The following SLC7A8 variants were observed in gnomAD, a reference collection of about 807,000 sequenced individuals.
The protein encoded by SLC7A8 is large neutral amino acids transporter small subunit 2.
In SLC7A8, 30 loss-of-function variants were observed where a neutral mutation model predicts 51.2. The ratio of observed to expected loss-of-function variants is 0.59; its 90% CI spans 0.44 to 0.80. The LOEUF (loss-of-function observed/expected upper bound fraction) is 0.80, where lower values mean the gene tolerates loss of function less well. Ranked by LOEUF, SLC7A8 falls within the 30% of genes least tolerant of loss-of-function variation. SLC7A8 has a pLI of 0.00. For missense variants in SLC7A8, 612 were observed against 674.4 expected, an observed-to-expected ratio of 0.91 and a Z score of 1.03; for synonymous variants, 257 against 275.8, an observed-to-expected ratio of 0.93 and a Z score of 0.67.
rs2048907784 is a variant in SLC7A8, at chr14:23,158,931, G to A, written c.508+6354C>T. 2.6e-5 allele frequency among the ~76,000 whole-genome samples: 4 copies of A among 152,088 alleles called. No individual in the cohort carries two copies. The South Asian group carries it at 8.3e-4, about 32-fold the overall frequency. On this transcript the variant is annotated intron_variant, in intron 3 of 10. Coordinates refer to ENST00000316902, the MANE Select transcript of SLC7A8 (RefSeq NM_012244.4). Reference sequence around the variant, plus strand: ...CTTTCCCAAATGTGAACCTAATCATGTGACTCCTCTGCTCAAAATCTTTCA... The same window carrying A: ...CTTTCCCAAATGTGAACCTAATCATATGACTCCTCTGCTCAAAATCTTTCA...
chr14:23,141,907 T>A (rs2048749157), intron 4 of SLC7A8, among the ~76,000 whole-genome samples: 1 of 152,228 alleles, frequency 6.6e-6, no homozygotes, highest in Non-Finnish European at 1.5e-5. Flanking sequence ...AGAGAGTAAC[T>A]GATCATATGT....
chr14:23,140,368 G>A lies in SLC7A8; in HGVS notation c.788+103C>T, dbSNP rs565282661. 31 of 1,228,362 alleles carry A rather than the reference G, an allele frequency of 2.5e-5. No individual in the cohort carries two copies. In the African/African-American group the frequency reaches 4.2e-4, roughly 17 times the overall value. The allele number at this position is 1,228,362 out of a possible 1,614,324, so 76.1% of individuals were successfully genotyped here. ...TAGATCAAATCACAGTTAGAATGGGGCTTTGGAAGGCGAGGTGGGCAATGG... is the reference window on the plus strand; with the variant it reads ...TAGATCAAATCACAGTTAGAATGGGACTTTGGAAGGCGAGGTGGGCAATGG... On this transcript the variant is annotated intron_variant, in intron 5 of 10. Coordinates refer to ENST00000316902, the MANE Select transcript of SLC7A8 (RefSeq NM_012244.4).
intron 3 of SLC7A8, among the ~76,000 whole-genome samples, chr14:23,147,986 G>A (rs916703790): frequency 2.0e-5 from 3 of 152,138 alleles, no homozygotes; most frequent in African/African-American, 4.8e-5. Flanking sequence ...ACTGTGGAGG[G>A]CTGGGTTCCC....
Position 23,183,273 on chromosome 14 carries a change from C to T in SLC7A8, c.-359G>A, listed in dbSNP as rs146401601. The T allele has an allele frequency of 2.7e-5, 5 of 183,838 alleles. No homozygotes were observed. The East Asian group carries it at 7.5e-4, about 28-fold the overall frequency. The allele number at this position is 183,838 out of a possible 1,614,324, so 11.4% of individuals were successfully genotyped here. ...ACCAGGATGGTTCTGCTCTGTGCACCAGGCAGTGGCTTATTCAGAAAGTGA... is the reference window on the plus strand; with the variant it reads ...ACCAGGATGGTTCTGCTCTGTGCACTAGGCAGTGGCTTATTCAGAAAGTGA... On this transcript the variant is annotated 5_prime_UTR_variant, in exon 1 of 11. Transcript: ENST00000316902.
intron 1 of SLC7A8, among the ~76,000 whole-genome samples, chr14:23,181,947 C>T (rs750345171): frequency 6.6e-6 from 1 of 152,238 alleles, no homozygotes; most frequent in African/African-American, 2.4e-5. Flanking sequence ...TGCACTGGCA[C>T]TCTTGGGGCC....
chr14:23,135,332 G>A (rs1022730904), intron 7 of SLC7A8, among the ~76,000 whole-genome samples: 7 of 150,672 alleles, frequency 4.6e-5, no homozygotes, highest in Admixed American at 2.0e-4. Flanking sequence ...CTTGTGATCC[G>A]CCCGCCTCAG....
rs1284765390 is a variant in SLC7A8, at chr14:23,140,674, C to T, written c.635-50G>A. The T allele has an allele frequency of 4.4e-6, 7 of 1,573,766 alleles. No individual in the cohort carries two copies. The East Asian group carries it at 9.0e-5, about 20-fold the overall frequency. ...CGCTCAGTGAGACAAGTCAGGGGCC[C>T]AGCAGCCCCTGGCCTGCCCTGGCCC... On this transcript the variant is annotated intron_variant, in intron 4 of 10. Transcript: ENST00000316902.
chr14:23,167,597 G>A (rs1174816554), intron 1 of SLC7A8, among the ~76,000 whole-genome samples: 1 of 152,064 alleles, frequency 6.6e-6, no homozygotes, highest in Non-Finnish European at 1.5e-5. Context: ...TGTGGAGGCC[G>A]TTCCTGACAT....
chr14:23,127,974 C>T (rs2048594195), intron 10 of SLC7A8, 45 bp downstream of exon 10: 1 of 1,574,152 alleles, frequency 6.4e-7, no homozygotes, highest in East Asian at 2.2e-5. Context: ...CACTGCATTC[C>T]AGCCCAGGAG....
chr14:23,174,622 A>G (rs1486245813), intron 1 of SLC7A8, among the ~76,000 whole-genome samples: 1 of 152,254 alleles, frequency 6.6e-6, no homozygotes, highest in African/African-American at 2.4e-5. Flanking sequence ...AAAATTCACC[A>G]GTGCTCAGGA....
chr14:23,158,407 G>A (rs1190603252), intron 3 of SLC7A8, among the ~76,000 whole-genome samples: 5 of 152,132 alleles, frequency 3.3e-5, no homozygotes, highest in South Asian at 2.1e-4. Context: ...GTGCAGTGGC[G>A]CAATCTCGGC....
chr14:23,130,029 T>C (rs1330530978), intron 8 of SLC7A8: 1 of 520,000 alleles, frequency 1.9e-6, no homozygotes, highest in African/African-American at 1.9e-5. Context: ...ACCACTCGTA[T>C]GGCACGGGCA....
At position 23,166,447 on chromosome 14, in the gene SLC7A8, G is replaced by A. The variant is rs779456412; in HGVS notation, c.245C>T (p.Thr82Met). 45 of 1,614,048 alleles carry A rather than the reference G, an allele frequency of 2.8e-5. No homozygotes were observed. Among genetic ancestry groups the A allele is most frequent in the Non-Finnish European group, 3.3e-5 (39 of 1,180,040 alleles). Residue 82 changes from threonine to methionine, a missense_variant, in exon 2 of 11, where the codon ACG becomes ATG. By Grantham distance (81) the Thr-to-Met change is moderately conservative (BLOSUM62 -1). Coordinates refer to ENST00000316902, the MANE Select transcript of SLC7A8 (RefSeq NM_012244.4). Reference protein sequence around the residue: ...VGLALIVWIVTGFITVVGALC... With the variant: ...VGLALIVWIVMGFITVVGALC... ...GGCTCCCACAACTGTGATGAAGCCC[G>A]TCACAATCCAGACGATGAGAGCAAG...
intron 6 of SLC7A8, 134 bp from the exon 7 acceptor site, chr14:23,138,158 C>T (rs2048708766): frequency 1.8e-6 from 2 of 1,118,068 alleles, no homozygotes; most frequent in African/African-American, 1.6e-5. Context: ...TTCTTAATTG[C>T]CCCCACCCTC....
chr14:23,129,077 T>G (rs1457557217), intron 9 of SLC7A8, among the ~76,000 whole-genome samples: 1 of 152,212 alleles, frequency 6.6e-6, no homozygotes, highest in Non-Finnish European at 1.5e-5. Context: ...GAGCAATCCC[T>G]TTAATTCCTA....
Position 23,128,152 on chromosome 14 carries a change from G to A in SLC7A8, c.1308C>T (p.Phe436=). ...CTGACCACAGGCTGAAGACCAGCAG[G>A]AAGGCCCAGAACAGCAAGTAGATGA... ...FPIIYLLFWA[F]LLVFSLWSEP... is the part of the protein sequence containing the mutation. The change falls in exon 10 of 11, where the codon TTC becomes TTT. Residue 436 remains phenylalanine, a synonymous_variant. Transcript: ENST00000316902. The surrounding 1 kb of genome is among the most constrained non-coding windows in gnomAD (Gnocchi z 4.3). 1 of 1,614,214 alleles carries A rather than the reference G, an allele frequency of 6.2e-7. No homozygotes were observed. Among genetic ancestry groups the A allele is most frequent in the Non-Finnish European group, 8.5e-7 (1 of 1,180,026 alleles).
chr14:23,166,422 G>A lies in SLC7A8; in HGVS notation c.270C>T (p.Ala90=). ...IVTGFITVVG[A]LCYAELGVTI... Reference sequence around the variant, plus strand: ...TGACCCCGAGTTCAGCATAGCAGAGGGCTCCCACAACTGTGATGAAGCCCG... The same window carrying A: ...TGACCCCGAGTTCAGCATAGCAGAGAGCTCCCACAACTGTGATGAAGCCCG... Residue 90 remains alanine, a synonymous_variant, in exon 2 of 11, where the codon GCC becomes GCT. Coordinates refer to ENST00000316902, the MANE Select transcript of SLC7A8 (RefSeq NM_012244.4). The A allele has an allele frequency of 1.9e-6, 3 of 1,614,146 alleles. No homozygotes were observed. Among genetic ancestry groups the A allele is most frequent in the East Asian group, 4.5e-5 (2 of 44,872 alleles).
intron 3 of SLC7A8, among the ~76,000 whole-genome samples, chr14:23,146,212 C>G (rs1176149699): frequency 6.6e-6 from 1 of 152,164 alleles, no homozygotes; most frequent in Non-Finnish European, 1.5e-5. Context: ...GATTAGGAAA[C>G]AAACCCCATA....
intron 1 of SLC7A8, among the ~76,000 whole-genome samples, chr14:23,169,469 C>T (rs71413970): frequency 0.025 from 3,789 of 152,302 alleles, 83 homozygotes; most frequent in African/African-American, 0.057. Flanking sequence ...TGCAGTGGCA[C>T]GATCTTGGCT....
Sources: allele counts gnomAD v4.1 joint callset (sites outside exome capture counted in the v4.1 genomes callset), GRCh38; gene constraint gnomAD v4.1.1; non-coding constraint Gnocchi (gnomAD v3.1); transcripts MANE v1.5; gene names NCBI Gene and HGNC (gene_info 2026-07-23, HGNC 2026-07-21).